Variants in CPNE6 observed in about 807,000 individuals in gnomAD.
CPNE6 encodes copine 6.
In CPNE6, 33 loss-of-function variants were observed where a neutral mutation model predicts 71.5. The observed-to-expected ratio is 0.46, with a 90% CI of 0.35 to 0.62. The LOEUF is 0.62. Ranked by LOEUF, CPNE6 falls within the 20% of genes least tolerant of loss-of-function variation. The pLI, the probability that CPNE6 is intolerant of heterozygous loss-of-function variation, is 0.00. For missense variants in CPNE6, 576 were observed against 747.3 expected, an observed-to-expected ratio of 0.77 and a Z score of 2.67; for synonymous variants, 296 against 293.0, an observed-to-expected ratio of 1.01 and a Z score of -0.10.
chr14:24,071,519 C>CCCCCCCCCCCCA, intron 1 of CPNE6, 43 bp from the exon 1 acceptor site: 1 of 1,520,864 alleles, frequency 6.6e-7, no homozygotes, highest in South Asian at 1.2e-5. Flanking sequence ...CCACCCCTCC[C>CCCCCCCCCCCCA]CATCCAGGCC....
rs770169932 is a variant in CPNE6, at chr14:24,077,297, G to A, written c.1443G>A (p.Leu481=). Residue 481 remains leucine (L), a synonymous_variant, in exon 16 of 18, where the codon CTG becomes CTA. Coordinates refer to ENST00000397016, the Ensembl canonical transcript of CPNE6. This position sits in a 1 kb window ranked among gnomAD's most constrained non-coding sequence, Gnocchi z 6.1. The stretch of plus-strand genomic sequence containing the variant: ...ATGCTGACTTCTCTGACATGCGGCT[G>A]CTGGATGGCGACGACGGCCCCTTGC... 1 of 1,613,866 alleles carries A rather than the reference G, an allele frequency of 6.2e-7. No homozygotes were observed. The highest frequency in any genetic ancestry group is 1.7e-5 in the Admixed American group (1 of 60,022).
At chr14:24,071,909 C>A (rs578118432) in intron 2 of CPNE6, 10 of 415,516 alleles carry the variant, frequency 2.4e-5, no homozygotes, top group Admixed American at 1.2e-4. Context: ...GAGAAAGGTC[C>A]CACTTCTGAG....
intron 2 of CPNE6, chr14:24,072,156 G>C (rs935077755): frequency 6.5e-6 from 1 of 152,938 alleles, no homozygotes; most frequent in African/African-American, 2.4e-5. Flanking sequence ...ACTGCTGGGG[G>C]AAGGTGGCAT....
At chr14:24,076,745 A>G (rs563703334) in intron 14 of CPNE6, 134 bp from the exon 14 acceptor site, 6 of 1,487,116 alleles carry the variant, frequency 4.0e-6, no homozygotes, top group Non-Finnish European at 5.6e-6. Context: ...GGACCATCCA[A>G]CTCTCCCACT....
chr14:24,074,626 G>T lies in CPNE6; in HGVS notation c.582+12G>T. On this transcript the variant is annotated intron_variant, in intron 7 of 17. Transcript: ENST00000397016. The surrounding 1 kb of genome is among the most constrained non-coding windows in gnomAD (Gnocchi z 4.5). ...TCTGGAGAACTGAGGTTGGTGCCTGGGGCTATGGGGATGAAGGGAGGGAGA... is the reference window on the plus strand; with the variant it reads ...TCTGGAGAACTGAGGTTGGTGCCTGTGGCTATGGGGATGAAGGGAGGGAGA... 6.2e-7 allele frequency: 1 copy of T among 1,614,030 alleles called. No individual in the cohort carries two copies. The highest frequency in any genetic ancestry group is 1.1e-5 in the South Asian group (1 of 91,078).
In CPNE6 at chr14:24,076,738, C is replaced by T. The variant is rs1162060973; in HGVS notation, c.1166-141C>T. The T allele has an allele frequency of 2.1e-6, 3 of 1,457,150 alleles. No homozygotes were observed. In the African/African-American group the frequency reaches 4.2e-5, roughly 20 times the overall value. The allele number at this position is 1,457,150 out of a possible 1,614,324, so 90.3% of individuals were successfully genotyped here. On this transcript the variant is annotated intron_variant, in intron 14 of 17. Transcript: ENST00000397016. ...GCACCCAACTCTCCCTGCCAAGGGA[C>T]CATCCAACTCTCCCACTGCTTAATG... is the stretch of plus-strand genomic sequence containing the variant.
chr14:24,076,668 C>T, intron 14 of CPNE6, 111 bp downstream of exon 13: 1 of 1,509,664 alleles, frequency 6.6e-7, no homozygotes, highest in Non-Finnish European at 9.1e-7. Flanking sequence ...CCATCCCAGG[C>T]CTGTCTTTAT....
In CPNE6 at chr14:24,077,093, A is replaced by C; in HGVS notation, c.1300-61A>C. ...AGGGCCAGGGTCTGCACCTTGGTGG[A>C]AACGGTGTCAACGCCCTTGCACACA... On this transcript the variant is annotated intron_variant, in intron 15 of 17. Transcript: ENST00000397016. The surrounding 1 kb of genome is among the most constrained non-coding windows in gnomAD (Gnocchi z 6.1). 6.3e-7 allele frequency: 1 copy of C among 1,595,804 alleles called. No homozygotes were observed. Among genetic ancestry groups the C allele is most frequent in the Non-Finnish European group, 8.5e-7 (1 of 1,174,932 alleles).
chr14:24,074,777 T>C lies in CPNE6; in HGVS notation c.654T>C (p.Asp218=). Residue 218 remains aspartate, a synonymous_variant, in exon 8 of 18, where the codon GAT becomes GAC. Coordinates refer to ENST00000397016, the Ensembl canonical transcript of CPNE6. This position sits in a 1 kb window ranked among gnomAD's most constrained non-coding sequence, Gnocchi z 4.5. Reference sequence around the variant, plus strand: ...CCCTGCATTCCCTATGCAGCTGTGATGTTCACCGACCTCTCAAGGTGAAGT... The same window carrying C: ...CCCTGCATTCCCTATGCAGCTGTGACGTTCACCGACCTCTCAAGGTGAAGT... 3 of 1,613,440 alleles carry C rather than the reference T, an allele frequency of 1.9e-6. No homozygotes were observed. The highest frequency in any genetic ancestry group is 2.5e-6 in the Non-Finnish European group (3 of 1,179,728).
At chr14:24,072,867 G>A (rs2035942981) in intron 2 of CPNE6, 66 bp from the exon 2 acceptor site, 9 of 1,398,760 alleles carry the variant, frequency 6.4e-6, no homozygotes, top group South Asian at 4.8e-5. Context: ...GGACCCTAGA[G>A]GATAGACCCC....
chr14:24,077,854 A>T lies in CPNE6; in HGVS notation c.*38-34A>T. 8.8e-7 allele frequency: 1 copy of T among 1,131,926 alleles called. No individual in the cohort carries two copies. Among genetic ancestry groups the T allele is most frequent in the South Asian group, 2.1e-5 (1 of 48,458 alleles). The allele number at this position is 1,131,926 out of a possible 1,614,324, so 70.1% of individuals were successfully genotyped here. On this transcript the variant is annotated intron_variant, in intron 17 of 17. Transcript: ENST00000397016. The surrounding 1 kb of genome is among the most constrained non-coding windows in gnomAD (Gnocchi z 6.1). ...CCAACTAGGCTGGGTGTAGTGTAGA[A>T]GAGAGTGCTTATGACTCTCCCACCC...
chr14:24,077,141 T>C lies in CPNE6; in HGVS notation c.1300-13T>C, dbSNP rs2036106911. On this transcript the variant is annotated splice_polypyrimidine_tract_variant and intron_variant, in intron 15 of 17. Transcript: ENST00000397016. The surrounding 1 kb of genome is among the most constrained non-coding windows in gnomAD (Gnocchi z 6.1). ...ACAAAGCCAACCCTTCCACCCTCTC[T>C]GCTTGCCCTCAGAAGTACTCGGTGC... is the stretch of plus-strand genomic sequence containing the variant. 2.5e-6 allele frequency: 4 copies of C among 1,598,504 alleles called. No individual in the cohort carries two copies. Among genetic ancestry groups the C allele is most frequent in the African/African-American group, 1.3e-5 (1 of 74,962 alleles).
chr14:24,076,181 C>A, exon 12 of CPNE6: 1 of 1,614,010 alleles, frequency 6.2e-7, no homozygotes, highest in Non-Finnish European at 8.5e-7. Context: ...CCAATGGGGA[C>A]CCGAGGAGCA....
At chr14:24,071,501 G>GGGGGCCC in intron 1 of CPNE6, 61 bp from the exon 1 acceptor site, 51 of 1,416,644 alleles carry the variant, frequency 3.6e-5, no homozygotes, top group Non-Finnish European at 4.4e-5. Context: ...CTGGTGCTGC[G>GGGGGCCC]CCCCCCCCCA....
chr14:24,075,925 G>A lies in CPNE6; in HGVS notation c.924+39G>A, dbSNP rs774578825. 5.6e-6 allele frequency: 9 copies of A among 1,609,006 alleles called. No individual in the cohort carries two copies. The Admixed American group carries it at 1.5e-4, about 27-fold the overall frequency. ...GGGAGGGCACACAGGCAAGAGGGAG[G>A]GGCTGAGTCCATAGTGAAAGGAAGG... On this transcript the variant is annotated intron_variant, in intron 11 of 17. Transcript: ENST00000397016. The surrounding 1 kb of genome is among the most constrained non-coding windows in gnomAD (Gnocchi z 4.3).
rs1315010834 is a variant in CPNE6 at position 24,071,657 on chromosome 14, C to G, written c.-5+16C>G. The G allele has an allele frequency of 2.4e-6, 2 of 834,258 alleles. No individual in the cohort carries two copies. The highest frequency in any genetic ancestry group is 4.0e-5 in the Admixed American group (2 of 50,062). 51.7% of individuals were successfully genotyped at this position (834,258 alleles called of 1,614,324 possible). On this transcript the variant is annotated intron_variant, in intron 2 of 17. Coordinates refer to ENST00000397016, the Ensembl canonical transcript of CPNE6. ...GAGAGCCCAGGTGAGCCCACCCTTCCTCCCCAGCCCAGCCCCAGCCCAGCC... is the reference window on the plus strand; with the variant it reads ...GAGAGCCCAGGTGAGCCCACCCTTCGTCCCCAGCCCAGCCCCAGCCCAGCC...
intron 11 of CPNE6, 35 bp from the exon 11 acceptor site, chr14:24,076,114 G>C (rs541994863): frequency 1.4e-5 from 22 of 1,604,702 alleles, no homozygotes; most frequent in Non-Finnish European, 1.9e-5. Flanking sequence ...TGGCTCTCAT[G>C]GTTGCAGCAT....
intron 2 of CPNE6, chr14:24,072,003 A>G (rs1231075254): frequency 8.2e-6 from 2 of 243,738 alleles, no homozygotes; most frequent in Non-Finnish European, 8.0e-6. Context: ...ACTCAGACAC[A>G]CCAATGCACA....
intron 2 of CPNE6, chr14:24,072,671 C>A (rs750968268): frequency 2.2e-5 from 8 of 361,752 alleles, no homozygotes; most frequent in Non-Finnish European, 4.0e-5. Flanking sequence ...AACATCCCCA[C>A]CCCAATCCTT....
Sources: gnomAD v4.1 joint callset for allele counts on GRCh38, gnomAD v4.1.1 for gene constraint, Gnocchi (gnomAD v3.1) non-coding constraint, MANE v1.5 for transcripts, NCBI Gene and HGNC (gene_info 2026-07-23, HGNC 2026-07-21) for gene names.